The following CA1 variants were observed in gnomAD, a reference collection of about 807,000 sequenced individuals.
The protein encoded by CA1 is carbonic anhydrase 1, also known as carbonate dehydratase I.
A neutral mutation model predicts 28.8 loss-of-function variants in CA1; 27 were observed. That is an observed-to-expected ratio of 0.94 (90% CI 0.69 to 1.29). The LOEUF (loss-of-function observed/expected upper bound fraction) is 1.29. CA1 is among the 50% of genes most tolerant of loss of function. The pLI is 0.00. For synonymous variants in CA1, 121 were observed against 108.8 expected (o/e 1.11, Z -0.70); for missense variants, 335 against 310.5 (o/e 1.08, Z -0.59).
intron 4 of CA1, among the ~76,000 whole-genome samples, chr8:85,335,505 C>T (rs1808613120): frequency 6.6e-6 from 1 of 152,112 alleles, no homozygotes; most frequent in Admixed American, 6.5e-5. Context: ...TTGATTCAAA[C>T]CCTGGCAGTC....
intron 1 of CA1, among the ~76,000 whole-genome samples, chr8:85,353,212 C>A (rs1809477068): frequency 6.6e-6 from 1 of 152,234 alleles, no homozygotes; most frequent in Admixed American, 6.5e-5. Flanking sequence ...TATAGACTTG[C>A]AATTCAGCTC....
intron 1 of CA1, among the ~76,000 whole-genome samples, chr8:85,344,220 TTA>T (rs1402944200): frequency 4.9e-5 from 3 of 61,256 alleles, no homozygotes; most frequent in Non-Finnish European, 8.8e-5. Context: ...TATAATTATA[TTA>T]TATACAGTAT....
chr8:85,367,786 A>G (rs565376069), intron 1 of CA1, among the ~76,000 whole-genome samples: 1 of 152,342 alleles, frequency 6.6e-6, no homozygotes, highest in East Asian at 1.9e-4. Flanking sequence ...AAGCAAGAAT[A>G]GGAATAAAGG....
At chr8:85,332,954 C>T (rs992738388) in intron 5 of CA1, among the ~76,000 whole-genome samples, 2 of 152,116 alleles carry the variant, frequency 1.3e-5, no homozygotes, top group African/African-American at 2.4e-5. Context: ...GCTATAATTT[C>T]AAGAGTTACT....
At chr8:85,372,102 A>G (rs1012351416) in intron 1 of CA1, among the ~76,000 whole-genome samples, 15 of 152,204 alleles carry the variant, frequency 9.9e-5, no homozygotes, top group Non-Finnish European at 8.8e-5. Context: ...CTTTAAAACA[A>G]TCCTAGAGTC....
chr8:85,334,256 C>T (rs1442411310), intron 4 of CA1, among the ~76,000 whole-genome samples: 1 of 152,178 alleles, frequency 6.6e-6, no homozygotes, highest in Admixed American at 6.5e-5. Context: ...ATTTTACCTT[C>T]TTAGGATAAG....
rs1452817202 is a variant in CA1 at position 85,366,163 on chromosome 8, C to A, written c.-25+11883G>T. 6.1e-5 allele frequency among the ~76,000 whole-genome samples: 7 copies of A among 114,848 alleles called. No homozygotes were observed. In the East Asian group the frequency reaches 1.3e-3, roughly 22 times the overall value. 75.3% of individuals were successfully genotyped at this position (114,848 alleles called of 152,430 possible). ...AGAAGCCCCACCATGCTCTTTCTTC[C>A]CCTTTTTTTTTTTTTTTTTTTTAAG... On this transcript the variant is annotated intron_variant, in intron 1 of 7. Coordinates refer to ENST00000523022, the MANE Select transcript of CA1 (RefSeq NM_001128831.4).
intron 1 of CA1, among the ~76,000 whole-genome samples, chr8:85,346,991 G>A (rs1809219092): frequency 6.6e-6 from 1 of 152,108 alleles, no homozygotes; most frequent in Non-Finnish European, 1.5e-5. Flanking sequence ...AAGTTCTCAA[G>A]TGTAAATATT....
At chr8:85,364,897 G>A (rs752408112) in intron 1 of CA1, among the ~76,000 whole-genome samples, 5 of 152,330 alleles carry the variant, frequency 3.3e-5, no homozygotes, top group Admixed American at 3.3e-4. Flanking sequence ...TGAGGGGCAC[G>A]TGGAGAGAAA....
chr8:85,346,120 T>G (rs1230522706), intron 1 of CA1, among the ~76,000 whole-genome samples: 2 of 152,202 alleles, frequency 1.3e-5, no homozygotes, highest in Non-Finnish European at 2.9e-5. Flanking sequence ...CATAAAGACA[T>G]TCGCAGTGTC....
intron 1 of CA1, among the ~76,000 whole-genome samples, chr8:85,344,163 AT>A (rs1809039498): frequency 1.5e-5 from 2 of 134,272 alleles, no homozygotes; most frequent in East Asian, 2.0e-4. Flanking sequence ...TATACTGTAT[AT>A]TATATACTGT....
In CA1 at chr8:85,329,835, C is replaced by T; in HGVS notation, c.523G>A (p.Ala175Thr). ...GAGGGGTCAAAATTTGTGAATGGGG[C>T]TCGTTTGCCCTGGAAGAAAAGAATA... Reference protein sequence around the residue: ...LQAIKTKGKRAPFTNFDPSTL... With the variant: ...LQAIKTKGKRTPFTNFDPSTL... Residue 175 changes from alanine to threonine, a missense_variant, in exon 7 of 8, where the codon GCC becomes ACC. Coordinates refer to ENST00000523022, the MANE Select transcript of CA1 (RefSeq NM_001128831.4). 3.1e-6 allele frequency: 5 copies of T among 1,588,438 alleles called. No individual in the cohort carries two copies. The highest frequency in any genetic ancestry group is 4.3e-6 in the Non-Finnish European group (5 of 1,164,896).
Position 85,331,857 on chromosome 8 carries a change from G to A in CA1, c.513+633C>T, listed in dbSNP as rs185645817. ...TTTTTTTGATAACTCTTGAGTTGAG[G>A]GCTTATTTTTTATCTCTGTCATTTA... On this transcript the variant is annotated intron_variant, in intron 6 of 7. Transcript: ENST00000523022. Among the ~76,000 whole-genome samples the A allele has an allele frequency of 2.6e-5, 4 of 151,634 alleles. No individual in the cohort carries two copies. In the East Asian group the frequency reaches 7.7e-4, roughly 29 times the overall value.
chr8:85,357,446 C>T (rs1809644455), intron 1 of CA1, among the ~76,000 whole-genome samples: 1 of 152,146 alleles, frequency 6.6e-6, no homozygotes. Flanking sequence ...TCCTACCTTG[C>T]AGGATTGTGG....
chr8:85,339,414 A>G (rs939927167), intron 2 of CA1, among the ~76,000 whole-genome samples: 22 of 152,306 alleles, frequency 1.4e-4, no homozygotes, highest in South Asian at 6.2e-4. Context: ...GATGAACTTA[A>G]TCTGTAAATG....
At chr8:85,336,638 C>A (rs1437910746) in intron 4 of CA1, among the ~76,000 whole-genome samples, 2 of 152,166 alleles carry the variant, frequency 1.3e-5, no homozygotes, top group Admixed American at 1.3e-4. Context: ...TTTGGGGTTA[C>A]AGCTTTAAAG....
At chr8:85,341,427 C>G (rs1808925544) in intron 2 of CA1, 172 bp downstream of exon 2, 3 of 551,194 alleles carry the variant, frequency 5.4e-6, no homozygotes. Context: ...TGTAGTCAGC[C>G]ATGCCCCAAA....
chr8:85,350,990 A>C (rs1447396292), intron 1 of CA1, among the ~76,000 whole-genome samples: 2 of 152,180 alleles, frequency 1.3e-5, no homozygotes, highest in Non-Finnish European at 2.9e-5. Flanking sequence ...AGGCTCCAAG[A>C]GTCCTCATAC....
intron 1 of CA1, among the ~76,000 whole-genome samples, chr8:85,369,242 G>C (rs539440499): frequency 6.6e-6 from 1 of 152,268 alleles, no homozygotes; most frequent in African/African-American, 2.4e-5. Flanking sequence ...TTTGTTTACA[G>C]ATCTGTGAAA....
Sources: gnomAD v4.1 joint callset for allele counts (sites outside exome capture counted in the v4.1 genomes callset) on GRCh38, gnomAD v4.1.1 for gene constraint, MANE v1.5 for transcripts, NCBI Gene and HGNC (gene_info 2026-07-23, HGNC 2026-07-21) for gene names.